DLG2: variants seen among roughly 807,000 people sequenced by gnomAD.
The protein encoded by DLG2 is discs large MAGUK scaffold protein 2, also known as disks large homolog 2.
DLG2 carries 45 observed loss-of-function variants against 132.5 expected under a neutral mutation model. The ratio of observed to expected loss-of-function variants is 0.34; its 90% confidence interval spans 0.27 to 0.44. The LOEUF (loss-of-function observed/expected upper bound fraction) is 0.44, where lower values mean the gene tolerates loss of function less well. Ranked by LOEUF, DLG2 falls within the 20% of genes least tolerant of loss-of-function variation. The pLI, the probability that DLG2 is intolerant of heterozygous loss-of-function variation, is 1.00. For synonymous variants in DLG2, 424 were observed against 419.6 expected, an observed-to-expected ratio of 1.01 and a Z score of -0.13; for missense variants, 1,045 against 1,196.9, an observed-to-expected ratio of 0.87 and a Z score of 1.87.
Position 84,985,294 on chromosome 11 carries a change from C to T in DLG2, c.357+126367G>A, listed in dbSNP as rs533410300. 4.3e-4 allele frequency among the ~76,000 whole-genome samples: 66 copies of T among 152,090 alleles called. No homozygotes were observed. In the South Asian group the frequency reaches 0.011, roughly 25 times the overall value. ...TCAAGCATGGTCTCAGACCACAGTG[C>T]GTTAAAACTGGAAATTAACTACCAA... On this transcript the variant is annotated intron_variant, in intron 6 of 27. Transcript: ENST00000376104.
intron 6 of DLG2, among the ~76,000 whole-genome samples, chr11:84,800,996 C>A (rs2075301178): frequency 6.6e-6 from 1 of 152,146 alleles, no homozygotes; most frequent in African/African-American, 2.4e-5. Flanking sequence ...AGCATCTCAG[C>A]TGAGCAAGCC....
At chr11:84,631,016 TCTCA>T (rs1423987770) in intron 6 of DLG2, among the ~76,000 whole-genome samples, 1,401 of 122,248 alleles carry the variant, frequency 0.011, 10 homozygotes, top group East Asian at 0.05. Flanking sequence ...TCTCTCTCTC[TCTCA>T]CACACACACA....
rs554103673 is a variant in DLG2 at position 84,454,770 on chromosome 11, T to C, written c.519+79800A>G. Among the ~76,000 whole-genome samples the C allele has an allele frequency of 9.0e-4, 137 of 151,574 alleles. No homozygotes were observed. The South Asian group carries it at 0.012, about 13-fold the overall frequency. ...TTTGCATGATTCCATTTATATAAAG[T>C]ACTGGAAGATGCAAACAAATTTATA... On this transcript the variant is annotated intron_variant, in intron 7 of 27. Coordinates refer to ENST00000376104, the MANE Select transcript of DLG2 (RefSeq NM_001142699.3).
At chr11:84,591,496 G>A (rs889245390) in intron 6 of DLG2, among the ~76,000 whole-genome samples, 4 of 151,594 alleles carry the variant, frequency 2.6e-5, no homozygotes, top group Non-Finnish European at 5.9e-5. Flanking sequence ...AGAAAACCCT[G>A]TTTCTACTAA....
chr11:85,110,716 C>T (rs574732536), intron 6 of DLG2, among the ~76,000 whole-genome samples: 11 of 152,212 alleles, frequency 7.2e-5, no homozygotes, highest in African/African-American at 2.4e-4. Flanking sequence ...CCCAGGCTTA[C>T]TGCTAACATA....
At chr11:83,833,507 AC>A in intron 17 of DLG2, 106 bp downstream of exon 17, 1 of 1,239,124 alleles carries the variant, frequency 8.1e-7, no homozygotes, top group Non-Finnish European at 1.1e-6. Flanking sequence ...GCTCTCATCC[AC>A]TTTCCTTTGT....
chr11:84,965,471 G>A (rs530183516), intron 6 of DLG2, among the ~76,000 whole-genome samples: 1 of 152,212 alleles, frequency 6.6e-6, no homozygotes, highest in South Asian at 2.1e-4. Flanking sequence ...GATAGAAACT[G>A]TGCGGGACTT....
At chr11:84,686,434 G>A (rs2099738227) in intron 6 of DLG2, among the ~76,000 whole-genome samples, 1 of 152,020 alleles carries the variant, frequency 6.6e-6, no homozygotes, top group Non-Finnish European at 1.5e-5. Context: ...ACAACAACCT[G>A]GATTTGGTTT....
chr11:84,859,033 A>G (rs2083190425), intron 6 of DLG2, among the ~76,000 whole-genome samples: 1 of 151,866 alleles, frequency 6.6e-6, no homozygotes, highest in South Asian at 2.1e-4. Context: ...ATCTTTTTAT[A>G]CCTTAGTTTA....
At chr11:83,589,565 G>C (rs1236842927) in intron 19 of DLG2, among the ~76,000 whole-genome samples, 2 of 149,738 alleles carry the variant, frequency 1.3e-5, no homozygotes, top group Non-Finnish European at 3.0e-5. Context: ...ATCGAGACTA[G>C]GAAGAAACTG....
At chr11:83,674,277 C>G (rs546961746) in intron 18 of DLG2, among the ~76,000 whole-genome samples, 1 of 152,224 alleles carries the variant, frequency 6.6e-6, no homozygotes, top group South Asian at 2.1e-4. Context: ...GAATATATTT[C>G]AATATTTTAA....
chr11:85,321,014 A>T (rs1192285346), intron 3 of DLG2, among the ~76,000 whole-genome samples: 1 of 151,842 alleles, frequency 6.6e-6, no homozygotes, highest in African/African-American at 2.4e-5. Flanking sequence ...GGTCCAAAAA[A>T]TAAAATAAAA....
intron 3 of DLG2, among the ~76,000 whole-genome samples, chr11:85,510,380 T>A (rs1292318494): frequency 6.6e-6 from 1 of 151,924 alleles, no homozygotes; most frequent in East Asian, 1.9e-4. Context: ...GGGATCTAAT[T>A]AAACTAAAGA....
intron 15 of DLG2, among the ~76,000 whole-genome samples, chr11:83,874,731 G>T (rs2064329757): frequency 1.3e-5 from 2 of 151,810 alleles, no homozygotes; most frequent in African/African-American, 2.4e-5. Context: ...ATTTTAATCG[G>T]TCCTATTGTC....
At chr11:85,319,791 A>G (rs376091275) in intron 3 of DLG2, among the ~76,000 whole-genome samples, 1 of 151,890 alleles carries the variant, frequency 6.6e-6, no homozygotes, top group African/African-American at 2.4e-5. Flanking sequence ...TTAAGGAGAT[A>G]TAAGTCTTAA....
rs1046911862 is a variant in DLG2, at chr11:85,020,928, C to T, written c.357+90733G>A. On this transcript the variant is annotated intron_variant, in intron 6 of 27. Coordinates refer to ENST00000376104, the MANE Select transcript of DLG2 (RefSeq NM_001142699.3). ...CTCCTCAGCAGGGTCATCTGCACCGCCCTCAGACTCCAACTTCACATTAGT... is the reference window on the plus strand; with the variant it reads ...CTCCTCAGCAGGGTCATCTGCACCGTCCTCAGACTCCAACTTCACATTAGT... 8 of 771,434 alleles carry T rather than the reference C, an allele frequency of 1.0e-5. No homozygotes were observed. In the African/African-American group the frequency reaches 1.2e-4, roughly 11 times the overall value. 47.8% of individuals were successfully genotyped at this position (771,434 alleles called of 1,614,324 possible). A position where few individuals can be genotyped will look rare whatever the true frequency, so the allele number is the denominator to read the frequency against.
At chr11:83,949,357 TC>T (rs1431732344) in intron 14 of DLG2, among the ~76,000 whole-genome samples, 1 of 152,094 alleles carries the variant, frequency 6.6e-6, no homozygotes, top group African/African-American at 2.4e-5. Flanking sequence ...TCTTTTCCCT[TC>T]CTTACCCCCA....
At chr11:84,803,035 G>A (rs1385755124) in intron 6 of DLG2, among the ~76,000 whole-genome samples, 1 of 152,060 alleles carries the variant, frequency 6.6e-6, no homozygotes, top group Non-Finnish European at 1.5e-5. Context: ...CCTGACCCTC[G>A]TGATCTGCCC....
chr11:85,164,742 T>C (rs11234315), intron 4 of DLG2, among the ~76,000 whole-genome samples: 3,102 of 152,330 alleles, frequency 0.02, 92 homozygotes, highest in African/African-American at 0.07. Flanking sequence ...ATATATTTTA[T>C]GTGCATTAAC....
Sources: allele counts gnomAD v4.1 joint callset (sites outside exome capture counted in the v4.1 genomes callset), GRCh38; gene constraint gnomAD v4.1.1; transcripts MANE v1.5; gene names NCBI Gene and HGNC (gene_info 2026-07-23, HGNC 2026-07-21).